TSHZ2: variants seen among roughly 807,000 people sequenced by gnomAD.
The protein encoded by TSHZ2 is teashirt zinc finger homeobox 2, also known as teashirt homolog 2.
Under a neutral mutation model 74.4 loss-of-function variants are expected in TSHZ2, and 21 were observed. The observed-to-expected ratio is 0.28, with a 90% CI of 0.20 to 0.41. The LOEUF (loss-of-function observed/expected upper bound fraction) is 0.41. Ranked by LOEUF, TSHZ2 falls within the 10% of genes least tolerant of loss-of-function variation. The pLI is 1.00. For synonymous variants in TSHZ2, 540 were observed against 515.3 expected, an observed-to-expected ratio of 1.05 and a Z score of -0.65; for missense variants, 1,244 against 1,293.5, an observed-to-expected ratio of 0.96 and a Z score of 0.59.
At chr20:53,033,262 C>T (rs987957208) in intron 1 of TSHZ2, among the ~76,000 whole-genome samples, 2 of 152,192 alleles carry the variant, frequency 1.3e-5, no homozygotes, top group Non-Finnish European at 2.9e-5. Flanking sequence ...TATGTGGAAC[C>T]GGCTGAAAGC....
At chr20:53,308,636 T>C (rs1978648338) in intron 2 of TSHZ2, among the ~76,000 whole-genome samples, 1 of 152,224 alleles carries the variant, frequency 6.6e-6, no homozygotes, top group Non-Finnish European at 1.5e-5. Flanking sequence ...GTATTTAGCC[T>C]GGAGGGCAGT....
intron 1 of TSHZ2, among the ~76,000 whole-genome samples, chr20:53,037,642 C>A (rs1384461105): frequency 6.6e-6 from 1 of 152,164 alleles, no homozygotes; most frequent in Non-Finnish European, 1.5e-5. Context: ...AGATTTTGAC[C>A]TGCTTAATGT....
intron 2 of TSHZ2, among the ~76,000 whole-genome samples, chr20:53,293,719 GA>G (rs199718159): frequency 0.064 from 8,051 of 125,302 alleles, 745 homozygotes; most frequent in African/African-American, 0.22. Flanking sequence ...AAAAAAAAAA[GA>G]AAAGAAACAG....
At chr20:53,415,774 A>G (rs373984620) in intron 2 of TSHZ2, among the ~76,000 whole-genome samples, 2 of 150,354 alleles carry the variant, frequency 1.3e-5, no homozygotes, top group Non-Finnish European at 2.9e-5. Flanking sequence ...CTTGTGTACT[A>G]TAAATGTATG....
chr20:52,998,255 G>A (rs1982282348), intron 1 of TSHZ2, among the ~76,000 whole-genome samples: 1 of 152,148 alleles, frequency 6.6e-6, no homozygotes, highest in Non-Finnish European at 1.5e-5. Flanking sequence ...TGCAGCCTCT[G>A]TCTCCCAGGT....
intron 2 of TSHZ2, among the ~76,000 whole-genome samples, chr20:53,274,464 TG>T (rs1990901047): frequency 6.6e-6 from 1 of 152,206 alleles, no homozygotes; most frequent in Non-Finnish European, 1.5e-5. Context: ...GGAGATTTAC[TG>T]GAGAGATGAC....
At chr20:53,159,503 T>G (rs1987876561) in intron 1 of TSHZ2, among the ~76,000 whole-genome samples, 1 of 152,130 alleles carries the variant, frequency 6.6e-6, no homozygotes, top group Non-Finnish European at 1.5e-5. Flanking sequence ...CAACCCATGT[T>G]CTAGATAGAA....
intron 1 of TSHZ2, among the ~76,000 whole-genome samples, chr20:52,996,014 A>G (rs1982172965): frequency 6.6e-6 from 1 of 152,158 alleles, no homozygotes; most frequent in African/African-American, 2.4e-5. Context: ...AATGCATGCT[A>G]AGTACATAGT....
At chr20:53,189,672 C>A (rs1200470479) in intron 1 of TSHZ2, among the ~76,000 whole-genome samples, 1 of 152,162 alleles carries the variant, frequency 6.6e-6, no homozygotes, top group African/African-American at 2.4e-5. Flanking sequence ...TGTCTCTCTT[C>A]TTCAGCTCTG....
intron 1 of TSHZ2, among the ~76,000 whole-genome samples, chr20:52,997,977 C>T (rs1286269309): frequency 5.9e-5 from 9 of 152,164 alleles, no homozygotes; most frequent in African/African-American, 2.2e-4. Context: ...TCATGCCCCA[C>T]CCCAGACCTG....
intron 2 of TSHZ2, among the ~76,000 whole-genome samples, chr20:53,273,961 C>T (rs1990890088): frequency 6.6e-6 from 1 of 152,144 alleles, no homozygotes; most frequent in Non-Finnish European, 1.5e-5. Context: ...TGCCCATCTC[C>T]CAAGAGGAAT....
chr20:53,126,282 A>G (rs1225137277), intron 1 of TSHZ2, among the ~76,000 whole-genome samples: 1 of 152,220 alleles, frequency 6.6e-6, no homozygotes, highest in African/African-American at 2.4e-5. Flanking sequence ...ATCACACAGC[A>G]TTCATTCCTG....
At chr20:53,163,358 CTCT>C (rs1568789698) in intron 1 of TSHZ2, among the ~76,000 whole-genome samples, 2 of 63,118 alleles carry the variant, frequency 3.2e-5, no homozygotes, top group Non-Finnish European at 3.0e-5. Context: ...CGCTCTCTGT[CTCT>C]TTTTTTTTTT....
At chr20:53,059,279 C>T (rs1984743241) in intron 1 of TSHZ2, among the ~76,000 whole-genome samples, 2 of 152,142 alleles carry the variant, frequency 1.3e-5, no homozygotes, top group Admixed American at 1.3e-4. Context: ...CAGTGAATTC[C>T]AGACCCTAAT....
intron 1 of TSHZ2, among the ~76,000 whole-genome samples, chr20:53,194,825 A>G (rs1395461788): frequency 6.6e-6 from 1 of 152,246 alleles, no homozygotes; most frequent in Non-Finnish European, 1.5e-5. Flanking sequence ...CTGTTTTGAA[A>G]TGTCCATTAT....
chr20:53,223,287 G>A (rs1251302407), intron 1 of TSHZ2, among the ~76,000 whole-genome samples: 2 of 152,084 alleles, frequency 1.3e-5, no homozygotes, highest in South Asian at 2.1e-4. Context: ...CTTCTAAAAC[G>A]TATATAGTTA....
chr20:53,423,770 G>A (rs1983564527), intron 2 of TSHZ2, among the ~76,000 whole-genome samples: 1 of 152,198 alleles, frequency 6.6e-6, no homozygotes, highest in Non-Finnish European at 1.5e-5. Flanking sequence ...GATGCTTCAG[G>A]ATAGTCAACA....
intron 2 of TSHZ2, among the ~76,000 whole-genome samples, chr20:53,382,814 G>C (rs1029604778): frequency 2.6e-5 from 4 of 152,214 alleles, no homozygotes; most frequent in Admixed American, 6.5e-5. Flanking sequence ...GTGTGGGGAA[G>C]GACAGAGTCC....
chr20:53,061,852 C>A (rs1984833457), intron 1 of TSHZ2, among the ~76,000 whole-genome samples: 1 of 152,166 alleles, frequency 6.6e-6, no homozygotes, highest in South Asian at 2.1e-4. Context: ...CACCTCAAAT[C>A]TCAGAGACAT....
Sources: allele counts gnomAD v4.1 joint callset (sites outside exome capture counted in the v4.1 genomes callset), GRCh38; gene constraint gnomAD v4.1.1; transcripts MANE v1.5; gene names NCBI Gene and HGNC (gene_info 2026-07-23, HGNC 2026-07-21).